The following RNF38 variants were observed in gnomAD, a reference collection of about 807,000 sequenced individuals.
RNF38 encodes the protein E3 ubiquitin-protein ligase RNF38.
A neutral mutation model predicts 67.2 loss-of-function variants in RNF38; 15 were observed. The observed-to-expected ratio is 0.22, with a 90% confidence interval of 0.15 to 0.34. RNF38 has a LOEUF of 0.34. RNF38 is among the 10% of genes least tolerant of loss of function. RNF38 has a pLI of 1.00. For synonymous variants in RNF38, 220 were observed against 218.8 expected (o/e 1.01, Z -0.05); for missense variants, 524 against 639.9 (o/e 0.82, Z 1.95).
intron 1 of RNF38, among the ~76,000 whole-genome samples, chr9:36,476,393 T>C (rs1189112840): frequency 6.6e-6 from 1 of 152,052 alleles, no homozygotes; most frequent in African/African-American, 2.4e-5. Flanking sequence ...ATTATAGGCA[T>C]GAGCCACCCC....
At chr9:36,358,870 G>C (rs781714933) in intron 4 of RNF38, among the ~76,000 whole-genome samples, 5 of 152,300 alleles carry the variant, frequency 3.3e-5, no homozygotes, top group East Asian at 3.9e-4. Context: ...AATTAGCTGG[G>C]AGTGGTGGCG....
chr9:36,455,554 G>A lies in RNF38; in HGVS notation n.242-30871C>T, dbSNP rs7858879. On this transcript the variant is annotated intron_variant and non_coding_transcript_variant, in intron 1 of 3. Transcript: ENST00000488058. The stretch of plus-strand genomic sequence containing the variant: ...TCCCAGCACTTTGGGAGGCCGAGGC[G>A]GGTGGATCATGAGGTCAGGAGTTCA... Among the ~76,000 whole-genome samples the A allele has an allele frequency of 4.3e-4, 66 of 152,106 alleles. 3 individuals are homozygous for A. In the South Asian group the frequency reaches 0.012, roughly 29 times the overall value.
chr9:36,453,210 A>ATAT (rs991138791), intron 1 of RNF38, among the ~76,000 whole-genome samples: 10 of 151,736 alleles, frequency 6.6e-5, no homozygotes, highest in African/African-American at 9.7e-5. Flanking sequence ...TGAAGTGGAA[A>ATAT]TATTATTATT....
intron 2 of RNF38, among the ~76,000 whole-genome samples, chr9:36,378,805 A>G (rs1008654430): frequency 7.9e-5 from 12 of 152,174 alleles, no homozygotes; most frequent in Admixed American, 3.3e-4. Context: ...AAGTAAAGTT[A>G]CCATCACTTC....
At chr9:36,436,113 C>T (rs915637732) in intron 1 of RNF38, among the ~76,000 whole-genome samples, 3 of 152,292 alleles carry the variant, frequency 2.0e-5, no homozygotes, top group East Asian at 3.9e-4. Context: ...ATAGACTCTG[C>T]GTGTATATTC....
intron 1 of RNF38, among the ~76,000 whole-genome samples, chr9:36,436,954 A>G (rs1161180986): frequency 6.6e-6 from 1 of 152,224 alleles, no homozygotes; most frequent in Non-Finnish European, 1.5e-5. Flanking sequence ...GTTCTAAAAC[A>G]GAGAAGGCAG....
chr9:36,362,927 C>T lies in RNF38; in HGVS notation c.571-4985G>A, dbSNP rs548483404. Among the ~76,000 whole-genome samples the T allele has an allele frequency of 4.9e-5, 5 of 102,308 alleles. 1 individual carries two copies. Among genetic ancestry groups the T allele is most frequent in the East Asian group, 2.5e-4 (1 of 3,936 alleles). 67.1% of individuals were successfully genotyped at this position (102,308 alleles called of 152,430 possible). A position where few individuals can be genotyped will look rare whatever the true frequency, so the allele number is the denominator to read the frequency against. On this transcript the variant is annotated intron_variant, in intron 4 of 11. Coordinates refer to ENST00000259605, the MANE Select transcript of RNF38 (RefSeq NM_022781.5). ...GATTACAAGCGTGAGGCACCACACC[C>T]GGCCCTAATCTGTTTTTCTTTATGG...
chr9:36,373,973 G>A (rs939803153), intron 3 of RNF38, among the ~76,000 whole-genome samples: 1 of 152,140 alleles, frequency 6.6e-6, no homozygotes, highest in African/African-American at 2.4e-5. Flanking sequence ...TTACAGGTGC[G>A]AGCCACTGCG....
Position 36,363,928 on chromosome 9 carries a change from G to C in RNF38, c.570+5791C>G, listed in dbSNP as rs1192369825. 4.6e-5 allele frequency among the ~76,000 whole-genome samples: 4 copies of C among 87,636 alleles called. 2 individuals are homozygous for C. Among genetic ancestry groups the C allele is most frequent in the Admixed American group, 4.2e-4 (4 of 9,480 alleles). The allele number at this position is 87,636 out of a possible 152,430, so 57.5% of individuals were successfully genotyped here. On this transcript the variant is annotated intron_variant, in intron 4 of 11. Transcript: ENST00000259605. ...TCTCGCTCACTGCCACCACCTCCTG[G>C]GTTCAAGCATTTCTCCTGCCTCAGA...
At chr9:36,433,717 A>G (rs1305523008) in intron 1 of RNF38, among the ~76,000 whole-genome samples, 2 of 151,802 alleles carry the variant, frequency 1.3e-5, no homozygotes, top group Non-Finnish European at 2.9e-5. Flanking sequence ...AGAAAATATA[A>G]ATGACTTTGG....
At chr9:36,466,445 A>T (rs1235519495) in intron 1 of RNF38, among the ~76,000 whole-genome samples, 4 of 152,240 alleles carry the variant, frequency 2.6e-5, no homozygotes, top group African/African-American at 7.2e-5. Flanking sequence ...GGTAGCAGGC[A>T]CAATGGGAGG....
rs544217136 is a variant in RNF38 at position 36,385,380 on chromosome 9, C to CTTT, written c.162+5084_162+5086dup. ...CTGCTGCTGGTCTGATCCACTACAG[C>CTTT]TTTTTTTTTTTTTTTTGGAGACAGT... On this transcript the variant is annotated intron_variant, in intron 2 of 11. Coordinates refer to ENST00000259605, the MANE Select transcript of RNF38 (RefSeq NM_022781.5). Among the ~76,000 whole-genome samples, 192 of 138,498 alleles carry CTTT rather than the reference C, an allele frequency of 1.4e-3. 1 individual carries two copies. The highest frequency in any genetic ancestry group is 4.1e-3 in the African/African-American group (153 of 37,576). The allele number at this position is 138,498 out of a possible 152,430, so 90.9% of individuals were successfully genotyped here. A position where few individuals can be genotyped will look rare whatever the true frequency, so the allele number is the denominator to read the frequency against.
chr9:36,403,935 T>C (rs1279626638), upstream of RNF38, among the ~76,000 whole-genome samples: 1 of 152,242 alleles, frequency 6.6e-6, no homozygotes, highest in Non-Finnish European at 1.5e-5. Flanking sequence ...AAACACACCA[T>C]TAATTTCTCC....
intron 1 of RNF38, among the ~76,000 whole-genome samples, chr9:36,474,698 A>T (rs1038536028): frequency 6.7e-6 from 1 of 148,376 alleles, no homozygotes; most frequent in African/African-American, 2.5e-5. Flanking sequence ...AATCCACATA[A>T]AATACTTAGA....
intron 2 of RNF38, among the ~76,000 whole-genome samples, chr9:36,380,205 T>C (rs533608143): frequency 2.0e-5 from 3 of 152,356 alleles, no homozygotes; most frequent in Non-Finnish European, 4.4e-5. Context: ...ACATACTTTT[T>C]TGCTTGTTTT....
At chr9:36,448,678 G>A (rs926027243) in intron 1 of RNF38, among the ~76,000 whole-genome samples, 2 of 152,056 alleles carry the variant, frequency 1.3e-5, no homozygotes, top group African/African-American at 4.8e-5. Context: ...CCCACCCCCA[G>A]ATAAGTTCTA....
Position 36,356,355 on chromosome 9 carries a change from TGAG to T in RNF38, c.854_856del (p.Pro285del), listed in dbSNP as rs1368671383. Reference sequence around the variant, plus strand: ...GACAAACTGGCCTGGTGGTGGCAAATGAGGAGGATGATGGGGAGAAAGGTGAGG... The same window carrying T: ...GACAAACTGGCCTGGTGGTGGCAAATGAGGATGATGGGGAGAAAGGTGAGG... On this transcript the variant is annotated inframe_deletion, in exon 6 of 12. Coordinates refer to ENST00000259605, the MANE Select transcript of RNF38 (RefSeq NM_022781.5). The T allele has an allele frequency of 4.3e-6, 7 of 1,613,758 alleles. No individual in the cohort carries two copies. Among genetic ancestry groups the T allele is most frequent in the South Asian group, 2.2e-5 (2 of 91,066 alleles).
At chr9:36,430,738 C>A (rs185715832) in intron 1 of RNF38, among the ~76,000 whole-genome samples, 27 of 151,756 alleles carry the variant, frequency 1.8e-4, no homozygotes, top group Non-Finnish European at 3.8e-4. Flanking sequence ...CTTCGGGCGG[C>A]GGGGGTGCGG....
intron 1 of RNF38, among the ~76,000 whole-genome samples, chr9:36,482,779 A>G (rs1187932245): frequency 6.6e-6 from 1 of 152,212 alleles, no homozygotes; most frequent in African/African-American, 2.4e-5. Flanking sequence ...TCCCATGAAA[A>G]GTTCACATGG....
Sources: allele counts gnomAD v4.1 joint callset (sites outside exome capture counted in the v4.1 genomes callset), GRCh38; gene constraint gnomAD v4.1.1; transcripts MANE v1.5; gene names NCBI Gene and HGNC (gene_info 2026-07-23, HGNC 2026-07-21).